KIR3DL3: variants seen among roughly 807,000 people sequenced by gnomAD.
The protein encoded by KIR3DL3 is killer cell immunoglobulin like receptor, three Ig domains and long cytoplasmic tail 3, also known as killer cell immunoglobulin-like receptor 3DL3.
A neutral mutation model predicts 34.9 loss-of-function variants in KIR3DL3; 27 were observed. The ratio of observed to expected loss-of-function variants is 0.77; its 90% CI spans 0.57 to 1.07. KIR3DL3 has a LOEUF of 1.07. Ranked by LOEUF, KIR3DL3 falls within the 50% of genes least tolerant of loss-of-function variation. The probability of loss-of-function intolerance (pLI) is 0.00; values close to 1 mark genes in which losing one functional copy is unlikely to be tolerated. For missense variants in KIR3DL3, 681 were observed against 528.5 expected (o/e 1.29, Z -2.83); for synonymous variants, 217 against 200.2 (o/e 1.08, Z -0.71).
chr19:54,725,981 A>C, intron 2 of KIR3DL3, 72 bp from the exon 3 acceptor site: 1 of 1,352,460 alleles, frequency 7.4e-7, no homozygotes, highest in Non-Finnish European at 1.0e-6. Context: ...AAATGGGAGA[A>C]TCTTCTGAGC....
At chr19:54,733,652 G>C (rs952227958) in intron 5 of KIR3DL3, among the ~76,000 whole-genome samples, 6 of 152,224 alleles carry the variant, frequency 3.9e-5, no homozygotes, top group Middle Eastern at 3.4e-3. Context: ...TAAACAATCA[G>C]GTTAAACCTC....
At chr19:54,724,597 T>A in intron 1 of KIR3DL3, 67 bp downstream of exon 1, 4 of 1,582,396 alleles carry the variant, frequency 2.5e-6, no homozygotes, top group Non-Finnish European at 3.4e-6. Flanking sequence ...AGTGGAGATC[T>A]GGGCCTGGAG....
In KIR3DL3 at chr19:54,727,269, T is replaced by C. The variant is rs527821909; in HGVS notation, c.356-342T>C. On this transcript the variant is annotated intron_variant, in intron 3 of 7. Coordinates refer to ENST00000291860, the MANE Select transcript of KIR3DL3 (RefSeq NM_153443.5). ...TTCCAATCTGTCCAAAAGAGATTGA[T>C]TCAGGCTGCTAAGAGCCTGGACATG... Among the ~76,000 whole-genome samples, 69 of 123,320 alleles carry C rather than the reference T, an allele frequency of 5.6e-4. 1 individual carries two copies. The highest frequency in any genetic ancestry group is 4.0e-3 in the Middle Eastern group (1 of 252). The allele number at this position is 123,320 out of a possible 152,430, so 80.9% of individuals were successfully genotyped here. A position where few individuals can be genotyped will look rare whatever the true frequency, so the allele number is the denominator to read the frequency against.
At chr19:54,735,392 G>C (rs1229571728) in intron 6 of KIR3DL3, 35 bp downstream of exon 6, 22 of 996,970 alleles carry the variant, frequency 2.2e-5, no homozygotes, top group Non-Finnish European at 3.4e-5. Context: ...GAGAGCTCAG[G>C]GCCATGTGGG....
At chr19:54,735,171 C>T (rs1338846254) in intron 5 of KIR3DL3, 82 bp from the exon 6 acceptor site, 3 of 1,100,090 alleles carry the variant, frequency 2.7e-6, no homozygotes, top group Admixed American at 1.8e-5. Context: ...TATGTGGTTA[C>T]CTGTCAATCA....
chr19:54,733,984 G>A (rs918115078), intron 5 of KIR3DL3, among the ~76,000 whole-genome samples: 2 of 151,960 alleles, frequency 1.3e-5, no homozygotes, highest in African/African-American at 2.4e-5. Flanking sequence ...CGGAGAGGGC[G>A]GTCCTTCCCC....
intron 5 of KIR3DL3, among the ~76,000 whole-genome samples, chr19:54,731,428 G>A (rs1216512272): frequency 2.0e-5 from 3 of 151,592 alleles, no homozygotes; most frequent in Admixed American, 2.0e-4. Context: ...GAGACGTGCA[G>A]TAAGAGAGAA....
At chr19:54,735,130 C>A (rs1195294896) in intron 5 of KIR3DL3, 123 bp from the exon 6 acceptor site, 4 of 786,264 alleles carry the variant, frequency 5.1e-6, no homozygotes, top group Non-Finnish European at 6.6e-6. Flanking sequence ...AGGTCTCCCG[C>A]CATCTGGGTG....
intron 3 of KIR3DL3, among the ~76,000 whole-genome samples, chr19:54,727,371 A>C (rs373763045): frequency 0.04 from 5,303 of 132,448 alleles, 276 homozygotes; most frequent in Non-Finnish European, 0.055. Context: ...ACAACAGCCT[A>C]AGAGGTGACA....
intron 1 of KIR3DL3, among the ~76,000 whole-genome samples, chr19:54,724,818 A>C (rs1254155893): frequency 8.2e-6 from 1 of 122,336 alleles, no homozygotes; most frequent in South Asian, 3.0e-4. Flanking sequence ...TGGACCTGGA[A>C]TTGAGATACG....
chr19:54,726,102 T>C lies in KIR3DL3; in HGVS notation c.120T>C (p.Ser40=), dbSNP rs1468001724. 1.2e-6 allele frequency: 2 copies of C among 1,613,494 alleles called. No homozygotes were observed. The highest frequency in any genetic ancestry group is 4.5e-5 in the East Asian group (2 of 44,868). The change falls in exon 3 of 8, where the codon TCT becomes TCC. Residue 40 remains serine (S), a synonymous_variant. Coordinates refer to ENST00000291860, the MANE Select transcript of KIR3DL3 (RefSeq NM_153443.5). ...CTGCCTGGCCCGGCACTGTGGTGTCTGAAGGACAACATGTGACTCTTCAGT... is the reference window on the plus strand; with the variant it reads ...CTGCCTGGCCCGGCACTGTGGTGTCCGAAGGACAACATGTGACTCTTCAGT... The part of the protein sequence containing the change: ...FLSAWPGTVV[S]EGQHVTLQCR...
chr19:54,724,512 G>A lies in KIR3DL3; in HGVS notation c.16G>A (p.Val6Ile), dbSNP rs370062918. 212 of 1,612,766 alleles carry A rather than the reference G, an allele frequency of 1.3e-4. No individual in the cohort carries two copies. Among genetic ancestry groups the A allele is most frequent in the African/African-American group, 1.2e-3 (92 of 74,822 alleles). Residue 6 changes from valine (V) to isoleucine (I), a missense_variant, in exon 1 of 8, where the codon GTC (valine) becomes ATC (isoleucine). Coordinates refer to ENST00000291860, the MANE Select transcript of KIR3DL3 (RefSeq NM_153443.5). ...CGGCAGCACCATGTCGCTCATGGTC[G>A]TCAGCATGGCGTGTGTTGGTGAGTC... MSLMV[V>I]SMACVGFFLL...
chr19:54,725,826 GT>G (rs1350133031), intron 2 of KIR3DL3, among the ~76,000 whole-genome samples: 1 of 152,116 alleles, frequency 6.6e-6, no homozygotes, highest in Non-Finnish European at 1.5e-5. Context: ...ATTTTGCAGT[GT>G]TAAAATCTAG....
intron 3 of KIR3DL3, among the ~76,000 whole-genome samples, 159 bp downstream of exon 3, chr19:54,726,496 A>T (rs2068202111): frequency 6.8e-6 from 1 of 147,830 alleles, no homozygotes; most frequent in Non-Finnish European, 1.5e-5. Context: ...GGGAAGAATA[A>T]TTGTCCCCAG....
intron 2 of KIR3DL3, among the ~76,000 whole-genome samples, chr19:54,725,503 C>T (rs1327030239): frequency 6.6e-6 from 1 of 152,228 alleles, no homozygotes; most frequent in African/African-American, 2.4e-5. Context: ...TGTGGGGACC[C>T]AGGGGGAGAC....
intron 5 of KIR3DL3, among the ~76,000 whole-genome samples, chr19:54,730,793 TTG>T: frequency 6.6e-6 from 1 of 152,180 alleles, no homozygotes; most frequent in Middle Eastern, 3.4e-3. Context: ...GTTGTCCCTA[TTG>T]TGTGTGTGTA....
intron 5 of KIR3DL3, among the ~76,000 whole-genome samples, chr19:54,732,957 C>T (rs1360969540): frequency 3.3e-5 from 5 of 152,066 alleles, no homozygotes; most frequent in Admixed American, 2.6e-4. Flanking sequence ...GGCCCAGGTG[C>T]GTAACTGGAA....
intron 2 of KIR3DL3, 36 bp downstream of exon 2, chr19:54,725,318 C>T (rs1339836613): frequency 1.3e-6 from 2 of 1,508,810 alleles, no homozygotes; most frequent in Admixed American, 3.9e-5. Flanking sequence ...TTGTCATCTC[C>T]CCACATAAGA....
At chr19:54,730,676 C>G (rs2068698906) in intron 5 of KIR3DL3, among the ~76,000 whole-genome samples, 1 of 152,120 alleles carries the variant, frequency 6.6e-6, no homozygotes, top group African/African-American at 2.4e-5. Flanking sequence ...TTTGTGAGAT[C>G]CACCTTTTAG....
Sources: allele counts gnomAD v4.1 joint callset (sites outside exome capture counted in the v4.1 genomes callset), GRCh38; gene constraint gnomAD v4.1.1; transcripts MANE v1.5; gene names NCBI Gene and HGNC (gene_info 2026-07-23, HGNC 2026-07-21).